The following ABI3BP variants were observed in gnomAD, a reference collection of about 807,000 sequenced individuals.
ABI3BP encodes ABI family member 3 binding protein.
Under a neutral mutation model 268.6 loss-of-function variants are expected in ABI3BP, and 216 were observed. The observed-to-expected ratio is 0.80, with a 90% CI of 0.72 to 0.90. The LOEUF (loss-of-function observed/expected upper bound fraction) is 0.90, where lower values mean the gene tolerates loss of function less well. Ranked by LOEUF, ABI3BP falls within the 40% of genes least tolerant of loss-of-function variation. The pLI, the probability that ABI3BP is intolerant of heterozygous loss-of-function variation, is 0.00. For synonymous variants in ABI3BP, 730 were observed against 730.0 expected (o/e 1.00, Z 0.00); for missense variants, 2,090 against 2,182.4 (o/e 0.96, Z 0.84).
chr3:100,985,028 C>A (rs560362460), intron 1 of ABI3BP, among the ~76,000 whole-genome samples: 18 of 152,148 alleles, frequency 1.2e-4, no homozygotes, highest in African/African-American at 3.9e-4. Context: ...CTAGTTGCTT[C>A]CATCACATCC....
At chr3:100,816,237 G>A (rs2098038516) in intron 43 of ABI3BP, 3 of 481,030 alleles carry the variant, frequency 6.2e-6, no homozygotes, top group African/African-American at 2.0e-5. Flanking sequence ...TTTCTAACTA[G>A]TATGGATATT....
At chr3:100,809,087 G>A (rs2097784183) in intron 49 of ABI3BP, among the ~76,000 whole-genome samples, 1 of 151,950 alleles carries the variant, frequency 6.6e-6, no homozygotes, top group African/African-American at 2.4e-5. Context: ...GATACTAAAT[G>A]AAAAAATACA....
chr3:100,918,091 T>C (rs1015438231), intron 2 of ABI3BP, among the ~76,000 whole-genome samples: 6 of 152,134 alleles, frequency 3.9e-5, no homozygotes, highest in Non-Finnish European at 8.8e-5. Context: ...AATGATAACT[T>C]TGGACTCATC....
intron 6 of ABI3BP, among the ~76,000 whole-genome samples, chr3:100,881,723 A>G (rs1442079280): frequency 6.6e-6 from 1 of 151,646 alleles, no homozygotes; most frequent in African/African-American, 2.4e-5. Context: ...TTTCTTCCTC[A>G]ATCATATGGA....
rs79033561 is a variant in ABI3BP, at chr3:100,852,855, C to T, written c.1286-915G>A. Among the ~76,000 whole-genome samples the T allele has an allele frequency of 1.9e-3, 285 of 152,214 alleles. 3 individuals carry two copies. The highest frequency in any genetic ancestry group is 6.5e-3 in the African/African-American group (268 of 41,516). The stretch of plus-strand genomic sequence containing the variant: ...TTTTCATGTTCACATAAGAGTTGAA[C>T]CTGCAAGCAAAAACAGCATCACAAA... On this transcript the variant is annotated intron_variant, in intron 14 of 67. Transcript: ENST00000471714.
At chr3:100,945,485 C>A in intron 1 of ABI3BP, 1 of 245,634 alleles carries the variant, frequency 4.1e-6, no homozygotes, top group South Asian at 4.4e-5. Context: ...TCCATTTTAC[C>A]CATTAATAGT....
intron 2 of ABI3BP, 24 bp downstream of exon 2, chr3:100,926,278 C>G: frequency 6.2e-7 from 1 of 1,610,374 alleles, no homozygotes; most frequent in Non-Finnish European, 8.5e-7. Context: ...CTTTCCTTCC[C>G]AGCCCGATAC....
chr3:100,876,535 A>G lies in ABI3BP; in HGVS notation c.722T>C (p.Ile241Thr). Residue 241 changes from isoleucine to threonine, a missense_variant, in exon 7 of 68, where the codon ATC (isoleucine) becomes ACC (threonine). Coordinates refer to ENST00000471714, the MANE Select transcript of ABI3BP (RefSeq NM_001375547.2). Reference protein sequence around the residue: ...TVPAYVPRKLIPITIIKQVIQ... With the variant: ...TVPAYVPRKLTPITIIKQVIQ... ...ACCTTGCTTGATGATTGTTATTGGG[A>G]TTAGTTTCCTTGGGACATATGCTGG... 6.2e-7 allele frequency: 1 copy of G among 1,613,494 alleles called. No homozygotes were observed. Among genetic ancestry groups the G allele is most frequent in the South Asian group, 1.1e-5 (1 of 91,014 alleles).
intron 46 of ABI3BP, among the ~76,000 whole-genome samples, chr3:100,812,146 C>A (rs2097877658): frequency 1.3e-5 from 2 of 151,598 alleles, no homozygotes; most frequent in South Asian, 4.2e-4. Flanking sequence ...ACTTGGAGAG[C>A]AAAAGCACGG....
Position 100,826,390 on chromosome 3 carries a change from A to T in ABI3BP, c.2603-546T>A, listed in dbSNP as rs114238279. 6.8e-3 allele frequency among the ~76,000 whole-genome samples: 1,034 copies of T among 152,294 alleles called. 3 individuals carry two copies. Among genetic ancestry groups the T allele is most frequent in the Non-Finnish European group, 0.011 (721 of 68,018 alleles). ...TTGGCTGAACTATATCAAGTACACC[A>T]TCTCATGAGATGGTCATCATCTTTG... On this transcript the variant is annotated intron_variant, in intron 34 of 67. Transcript: ENST00000471714.
intron 6 of ABI3BP, among the ~76,000 whole-genome samples, chr3:100,882,331 G>A (rs913975238): frequency 6.6e-6 from 1 of 151,710 alleles, no homozygotes; most frequent in East Asian, 1.9e-4. Flanking sequence ...CCACTTCTCA[G>A]AATCAATTGT....
At chr3:100,822,475 T>C (rs1350797269) in intron 38 of ABI3BP, 114 bp downstream of exon 38, 3 of 849,060 alleles carry the variant, frequency 3.5e-6, no homozygotes, top group Non-Finnish European at 3.7e-6. Flanking sequence ...TAACCATGAG[T>C]TGTAGCTTCC....
chr3:100,950,429 C>T (rs932028978), intron 1 of ABI3BP, among the ~76,000 whole-genome samples: 16 of 151,992 alleles, frequency 1.1e-4, no homozygotes, highest in South Asian at 1.0e-3. Flanking sequence ...AGGAGGGACC[C>T]GCATGCAGAG....
chr3:100,902,994 A>G (rs1173654853), intron 2 of ABI3BP, among the ~76,000 whole-genome samples: 1 of 152,198 alleles, frequency 6.6e-6, no homozygotes, highest in Non-Finnish European at 1.5e-5. Flanking sequence ...TATATATTTT[A>G]AAAAATCAGA....
At chr3:100,931,177 C>T (rs562221983) in intron 1 of ABI3BP, among the ~76,000 whole-genome samples, 14 of 152,076 alleles carry the variant, frequency 9.2e-5, no homozygotes, top group African/African-American at 3.1e-4. Flanking sequence ...AACTAGGCAT[C>T]GAAGGACCAT....
rs141755843 is a variant in ABI3BP, at chr3:100,838,211, G to A, written c.2082C>T (p.Ser694=). The A allele has an allele frequency of 6.5e-5, 100 of 1,535,228 alleles. No individual in the cohort carries two copies. In the East Asian group the frequency reaches 1.5e-3, roughly 23 times the overall value. ...TAAAGCACTGGAAATTATGTTTACC[G>A]GATTTAGTTGGTGGCATGTCTGGTT... ...TAEPDMPPTK[S]VSEPVPFETE... Residue 694 remains serine (S), a splice_region_variant and synonymous_variant, in exon 26 of 68, where the codon TCC becomes TCT. Transcript: ENST00000471714.
At chr3:100,824,971 T>C in intron 35 of ABI3BP, 30 bp from the exon 36 acceptor site, 1 of 1,517,886 alleles carries the variant, frequency 6.6e-7, no homozygotes, top group Non-Finnish European at 8.8e-7. Flanking sequence ...TGTGTTACTC[T>C]AGGTCTTATG....
intron 1 of ABI3BP, among the ~76,000 whole-genome samples, chr3:100,928,286 A>G (rs1244789693): frequency 5.9e-5 from 9 of 152,090 alleles, no homozygotes; most frequent in African/African-American, 1.4e-4. Flanking sequence ...TATTTTGACT[A>G]TTGAAAAGAC....
intron 44 of ABI3BP, among the ~76,000 whole-genome samples, chr3:100,814,993 C>T (rs902786375): frequency 3.3e-5 from 5 of 152,086 alleles, no homozygotes; most frequent in African/African-American, 1.2e-4. Context: ...TATTGTCATA[C>T]CTGTGATTCA....
Sources: allele counts gnomAD v4.1 joint callset (sites outside exome capture counted in the v4.1 genomes callset), GRCh38; gene constraint gnomAD v4.1.1; transcripts MANE v1.5; gene names NCBI Gene and HGNC (gene_info 2026-07-23, HGNC 2026-07-21).